The following DDX10 variants were observed in gnomAD, a reference collection of about 807,000 sequenced individuals.
DDX10 encodes DEAD-box helicase 10.
A neutral mutation model predicts 104.3 loss-of-function variants in DDX10; 74 were observed. That is an observed-to-expected ratio of 0.71 (90% CI 0.59 to 0.86). DDX10 has a LOEUF of 0.86. Among genes scored for constraint, DDX10 ranks in the 40% least tolerant of loss-of-function variants. The pLI is 0.00. For missense variants in DDX10, 952 were observed against 1,040.0 expected (o/e 0.92, Z 1.16); for synonymous variants, 351 against 353.4 (o/e 0.99, Z 0.08).
rs549720223 is a variant in DDX10, at chr11:108,715,537, A to T, written c.1323-342A>T. 1.0e-3 allele frequency among the ~76,000 whole-genome samples: 157 copies of T among 152,270 alleles called. 1 individual carries two copies. The highest frequency in any genetic ancestry group is 3.2e-3 in the African/African-American group (133 of 41,536). Reference sequence around the variant, plus strand: ...GGGTGAGACCTCTTAAAAAAATTAGATTTAATTTATTCCATTTCATATAGA... The same window carrying T: ...GGGTGAGACCTCTTAAAAAAATTAGTTTTAATTTATTCCATTTCATATAGA... On this transcript the variant is annotated intron_variant, in intron 10 of 17. Coordinates refer to ENST00000322536, the MANE Select transcript of DDX10 (RefSeq NM_004398.4).
Position 108,709,513 on chromosome 11 carries a change from A to G in DDX10, c.1322+2676A>G, listed in dbSNP as rs185600588. Among the ~76,000 whole-genome samples the G allele has an allele frequency of 2.0e-4, 30 of 152,338 alleles. No individual in the cohort carries two copies. In the East Asian group the frequency reaches 4.6e-3, roughly 23 times the overall value. On this transcript the variant is annotated intron_variant, in intron 10 of 17. Transcript: ENST00000322536. The stretch of plus-strand genomic sequence containing the variant: ...TGTTTATTTCTTGTAAGAGTTTGGC[A>G]GATTTTGTCATTCAAGGAATTGGTC...
chr11:108,689,858 A>G (rs1050396421), intron 7 of DDX10, among the ~76,000 whole-genome samples: 15 of 152,162 alleles, frequency 9.9e-5, no homozygotes, highest in African/African-American at 2.4e-4. Flanking sequence ...GTTTCTCTCT[A>G]GCTTATGGGA....
At chr11:108,815,484 C>T (rs956515996) in intron 13 of DDX10, among the ~76,000 whole-genome samples, 6 of 152,014 alleles carry the variant, frequency 3.9e-5, no homozygotes, top group Non-Finnish European at 2.9e-5. Context: ...CTGCAGATTC[C>T]GTATGATTTG....
chr11:108,673,439 AC>A (rs1306982447), intron 1 of DDX10, 27 bp from the exon 2 acceptor site: 12 of 1,471,748 alleles, frequency 8.2e-6, no homozygotes, highest in Non-Finnish European at 1.1e-5. Flanking sequence ...CAAATGAGTT[AC>A]CCTGATTCCT....
intron 13 of DDX10, among the ~76,000 whole-genome samples, chr11:108,766,790 G>GT (rs1430281231): frequency 1.3e-5 from 2 of 152,158 alleles, no homozygotes; most frequent in African/African-American, 4.8e-5. Flanking sequence ...CACGCCTTGA[G>GT]TATTTGAAGG....
At chr11:108,849,996 A>C (rs758897716) in intron 15 of DDX10, among the ~76,000 whole-genome samples, 12 of 152,058 alleles carry the variant, frequency 7.9e-5, no homozygotes, top group Non-Finnish European at 1.8e-4. Context: ...TTCTGTCTTG[A>C]TGTTTACTCT....
At chr11:108,885,394 C>T (rs1221923224) in intron 16 of DDX10, among the ~76,000 whole-genome samples, 3 of 142,110 alleles carry the variant, frequency 2.1e-5, no homozygotes, top group Admixed American at 7.4e-5. Flanking sequence ...GTCTCGCACT[C>T]TCACCCAGGC....
intron 15 of DDX10, 109 bp from the exon 16 acceptor site, chr11:108,852,044 A>G (rs2134605465): frequency 1.2e-6 from 1 of 828,514 alleles, no homozygotes; most frequent in Non-Finnish European, 1.9e-6. Flanking sequence ...TTGTTGAAAA[A>G]TGAATGTCAT....
intron 1 of DDX10, among the ~76,000 whole-genome samples, chr11:108,670,279 G>A (rs2094215287): frequency 6.6e-6 from 1 of 152,120 alleles, no homozygotes; most frequent in Non-Finnish European, 1.5e-5. Flanking sequence ...AGCTTTAGGG[G>A]TTACAGGCAC....
chr11:108,899,497 T>A (rs1863486986), intron 16 of DDX10, among the ~76,000 whole-genome samples: 1 of 114,530 alleles, frequency 8.7e-6, no homozygotes, highest in Non-Finnish European at 1.8e-5. Context: ...ACAGCTACCT[T>A]TTTTTTTTTT....
intron 13 of DDX10, among the ~76,000 whole-genome samples, chr11:108,777,430 A>G (rs143677219): frequency 0.011 from 1,650 of 152,052 alleles, 28 homozygotes; most frequent in African/African-American, 0.038. Context: ...CCTGGATTCA[A>G]GCGAATCCCA....
chr11:108,869,206 TTTG>T (rs1487184066), intron 16 of DDX10, among the ~76,000 whole-genome samples: 2 of 150,608 alleles, frequency 1.3e-5, no homozygotes, highest in African/African-American at 4.9e-5. Flanking sequence ...TGTTTTTTTT[TTTG>T]TTTGTTTGTT....
At chr11:108,861,435 A>G (rs1328069258) in intron 16 of DDX10, among the ~76,000 whole-genome samples, 1 of 152,188 alleles carries the variant, frequency 6.6e-6, no homozygotes, top group East Asian at 1.9e-4. Flanking sequence ...AGGGTAGATA[A>G]ATTGTGGCAT....
intron 1 of DDX10, among the ~76,000 whole-genome samples, chr11:108,668,234 G>A (rs2094212516): frequency 6.6e-6 from 1 of 152,202 alleles, no homozygotes; most frequent in African/African-American, 2.4e-5. Flanking sequence ...GGCACAGCAA[G>A]GTTAAATAAT....
At chr11:108,913,520 G>A (rs1407167011) in intron 16 of DDX10, among the ~76,000 whole-genome samples, 1 of 152,078 alleles carries the variant, frequency 6.6e-6, no homozygotes, top group Non-Finnish European at 1.5e-5. Context: ...TTGTCCACAA[G>A]GAATATCCTT....
intron 16 of DDX10, among the ~76,000 whole-genome samples, chr11:108,905,310 TAAGG>T (rs1368125951): frequency 3.2e-4 from 37 of 115,272 alleles, no homozygotes; most frequent in East Asian, 2.5e-3. Flanking sequence ...TTAGATTGTT[TAAGG>T]GGGGGGGGGG....
At chr11:108,711,560 C>T (rs906108476) in intron 10 of DDX10, among the ~76,000 whole-genome samples, 21 of 152,050 alleles carry the variant, frequency 1.4e-4, no homozygotes, top group East Asian at 1.4e-3. Context: ...TTTGAACTCC[C>T]GACCCCAGGT....
At chr11:108,899,046 T>G (rs574345749) in intron 16 of DDX10, among the ~76,000 whole-genome samples, 1 of 152,358 alleles carries the variant, frequency 6.6e-6, no homozygotes, top group East Asian at 1.9e-4. Flanking sequence ...AAATGTGCAT[T>G]GAACACAAGA....
intron 16 of DDX10, among the ~76,000 whole-genome samples, chr11:108,852,734 A>T (rs1480955074): frequency 6.6e-6 from 1 of 152,232 alleles, no homozygotes; most frequent in Non-Finnish European, 1.5e-5. Context: ...TTCCTCAAGT[A>T]TGTATGTACA....
Sources: gnomAD v4.1 joint callset for allele counts (sites outside exome capture counted in the v4.1 genomes callset) on GRCh38, gnomAD v4.1.1 for gene constraint, MANE v1.5 for transcripts, NCBI Gene and HGNC (gene_info 2026-07-23, HGNC 2026-07-21) for gene names.